LRRC8B: variants seen among roughly 807,000 people sequenced by gnomAD.
LRRC8B encodes leucine rich repeat containing 8 VRAC subunit B, also known as volume-regulated anion channel subunit LRRC8B.
A neutral mutation model predicts 58.8 loss-of-function variants in LRRC8B; 23 were observed. That is an observed-to-expected ratio of 0.39 (90% CI 0.28 to 0.55). The LOEUF (loss-of-function observed/expected upper bound fraction) is 0.55, where lower values mean the gene tolerates loss of function less well. Ranked by LOEUF, LRRC8B falls within the 20% of genes least tolerant of loss-of-function variation. The probability of loss-of-function intolerance (pLI) is 0.62; values close to 1 mark genes in which losing one functional copy is unlikely to be tolerated. For missense variants in LRRC8B, 694 were observed against 936.0 expected, an observed-to-expected ratio of 0.74 and a Z score of 3.37; for synonymous variants, 359 against 374.1, an observed-to-expected ratio of 0.96 and a Z score of 0.47.
chr1:89,556,613 T>A (rs1386202142), intron 1 of LRRC8B, among the ~76,000 whole-genome samples: 1 of 152,150 alleles, frequency 6.6e-6, no homozygotes, highest in Non-Finnish European at 1.5e-5. Context: ...GGACACCCAG[T>A]TGGTGTTACA....
At chr1:89,540,738 A>G (rs1002844651) in intron 1 of LRRC8B, among the ~76,000 whole-genome samples, 2 of 152,204 alleles carry the variant, frequency 1.3e-5, no homozygotes, top group African/African-American at 2.4e-5. Context: ...AACACTGGCA[A>G]CTGTGTGGAG....
chr1:89,579,020 C>T (rs1654046843), intron 3 of LRRC8B, among the ~76,000 whole-genome samples: 1 of 152,112 alleles, frequency 6.6e-6, no homozygotes, highest in Admixed American at 6.5e-5. Context: ...TAACTTATCA[C>T]TTTTTCTAAT....
At chr1:89,571,143 G>C (rs10922666) in intron 3 of LRRC8B, among the ~76,000 whole-genome samples, 56,780 of 151,810 alleles carry the variant, frequency 0.37, 12,778 homozygotes, top group South Asian at 0.55. Flanking sequence ...GTTTAGCAAT[G>C]TGATGCCTCC....
intron 1 of LRRC8B, among the ~76,000 whole-genome samples, chr1:89,555,720 T>G (rs918253506): frequency 3.9e-5 from 6 of 152,238 alleles, no homozygotes; most frequent in Non-Finnish European, 8.8e-5. Context: ...AGGGCATCAG[T>G]GACTTAAACG....
intron 1 of LRRC8B, among the ~76,000 whole-genome samples, chr1:89,540,757 G>T (rs1650902943): frequency 6.6e-6 from 1 of 152,214 alleles, no homozygotes; most frequent in Non-Finnish European, 1.5e-5. Flanking sequence ...AGGGTGTGCT[G>T]AAGATGAGAG....
chr1:89,589,955 A>G (rs1654876438), intron 5 of LRRC8B, among the ~76,000 whole-genome samples: 1 of 152,124 alleles, frequency 6.6e-6, no homozygotes, highest in Non-Finnish European at 1.5e-5. Context: ...TCTAGGATGT[A>G]GAGAGATAAT....
intron 1 of LRRC8B, among the ~76,000 whole-genome samples, chr1:89,535,235 C>G (rs1214667215): frequency 6.6e-6 from 1 of 152,090 alleles, no homozygotes; most frequent in Non-Finnish European, 1.5e-5. Flanking sequence ...CCCCATACCC[C>G]AGCTTGAAGA....
intron 1 of LRRC8B, among the ~76,000 whole-genome samples, chr1:89,547,779 C>A (rs1488115811): frequency 3.3e-5 from 5 of 150,536 alleles, no homozygotes; most frequent in African/African-American, 1.2e-4. Flanking sequence ...TTCCCAAGGA[C>A]AGCAAAAAGC....
intron 1 of LRRC8B, among the ~76,000 whole-genome samples, chr1:89,565,553 A>G (rs1275798238): frequency 6.6e-6 from 1 of 152,166 alleles, no homozygotes; most frequent in Admixed American, 6.5e-5. Flanking sequence ...GGTGATGGAA[A>G]TGCCTGAGGC....
In LRRC8B at chr1:89,565,714, C is replaced by T. The variant is rs12067112; in HGVS notation, c.-240-2533C>T. Among the ~76,000 whole-genome samples the T allele has an allele frequency of 5.7e-4, 87 of 152,296 alleles. 1 individual carries two copies. The highest frequency in any genetic ancestry group is 1.7e-3 in the African/African-American group (71 of 41,548). The stretch of plus-strand genomic sequence containing the variant: ...AACCTGATCTGCTGTCCTTCATTTA[C>T]TCAACAATGATTTACTAAATATTCA... On this transcript the variant is annotated intron_variant, in intron 1 of 5. Transcript: ENST00000330947.
At chr1:89,546,416 A>G (rs563516424) in intron 1 of LRRC8B, among the ~76,000 whole-genome samples, 1 of 152,318 alleles carries the variant, frequency 6.6e-6, no homozygotes, top group Admixed American at 6.5e-5. Context: ...GCACATTTAA[A>G]GAGGACTTTT....
intron 1 of LRRC8B, among the ~76,000 whole-genome samples, chr1:89,564,423 A>G (rs1652894209): frequency 6.6e-6 from 1 of 152,234 alleles, no homozygotes; most frequent in Admixed American, 6.5e-5. Context: ...CTTTTTATAT[A>G]GCTCCTTGGA....
intron 1 of LRRC8B, among the ~76,000 whole-genome samples, chr1:89,548,748 A>G (rs1410471799): frequency 6.6e-6 from 1 of 152,204 alleles, no homozygotes; most frequent in Non-Finnish European, 1.5e-5. Context: ...ACTTCTCCTC[A>G]TAAGACAGAG....
chr1:89,529,861 G>A (rs1384794258), intron 1 of LRRC8B, among the ~76,000 whole-genome samples: 9 of 151,184 alleles, frequency 6.0e-5, no homozygotes, highest in Admixed American at 5.3e-4. Context: ...TTATTTCACA[G>A]TATTTTTTTT....
chr1:89,593,059 C>A lies in LRRC8B; in HGVS notation c.*16C>A, dbSNP rs771215710. The A allele has an allele frequency of 5.0e-6, 8 of 1,603,578 alleles. No individual in the cohort carries two copies. The highest frequency in any genetic ancestry group is 1.1e-5 in the South Asian group (1 of 90,482). ...CAAATGTTGACTTAAAGAAAAGAGACCCGTGTTTCAAAATCATTTTTAAAA... is the reference window on the plus strand; with the variant it reads ...CAAATGTTGACTTAAAGAAAAGAGAACCGTGTTTCAAAATCATTTTTAAAA... On this transcript the variant is annotated 3_prime_UTR_variant, in exon 6 of 6. Transcript: ENST00000330947.
At chr1:89,527,024 G>A (rs915710084) in intron 1 of LRRC8B, 5 of 152,156 alleles carry the variant, frequency 3.3e-5, no homozygotes, top group Admixed American at 2.0e-4. Flanking sequence ...AAACTTAAAG[G>A]ATACTAAGCC....
chr1:89,545,335 C>T (rs1651322591), intron 1 of LRRC8B, among the ~76,000 whole-genome samples: 1 of 152,176 alleles, frequency 6.6e-6, no homozygotes, highest in Admixed American at 6.5e-5. Context: ...ATAATAATCA[C>T]ATTTGATTCC....
Position 89,593,218 on chromosome 1 carries a change from T to G in LRRC8B, c.*175T>G. The G allele has an allele frequency of 3.4e-6, 2 of 596,660 alleles. No homozygotes were observed. The highest frequency in any genetic ancestry group is 2.2e-5 in the South Asian group (1 of 45,286). 37.0% of individuals were successfully genotyped at this position (596,660 alleles called of 1,614,324 possible). A position where few individuals can be genotyped will look rare whatever the true frequency, so the allele number is the denominator to read the frequency against. On this transcript the variant is annotated 3_prime_UTR_variant, in exon 6 of 6. Coordinates refer to ENST00000330947, the MANE Select transcript of LRRC8B (RefSeq NM_001369817.2). ...GGTGAAACCCCATCTCTGCTAAAACTACAAAAAAATTAGCCAGGCGTGGTG... is the reference window on the plus strand; with the variant it reads ...GGTGAAACCCCATCTCTGCTAAAACGACAAAAAAATTAGCCAGGCGTGGTG...
chr1:89,567,143 G>A (rs1653106079), intron 1 of LRRC8B, among the ~76,000 whole-genome samples: 1 of 152,102 alleles, frequency 6.6e-6, no homozygotes, highest in African/African-American at 2.4e-5. Flanking sequence ...AACAATCTTT[G>A]TCCTCTTTTT....
Sources: gnomAD v4.1 joint callset for allele counts (sites outside exome capture counted in the v4.1 genomes callset) on GRCh38, gnomAD v4.1.1 for gene constraint, MANE v1.5 for transcripts, NCBI Gene and HGNC (gene_info 2026-07-23, HGNC 2026-07-21) for gene names.